Variants in SRD5A2 observed in about 807,000 individuals in gnomAD.
SRD5A2 encodes 3-oxo-5-alpha-steroid 4-dehydrogenase 2.
SRD5A2 carries 30 observed loss-of-function variants against 27.4 expected under a neutral mutation model. The observed-to-expected ratio is 1.10, with a 90% CI of 0.82 to 1.49. The LOEUF is 1.49. Among genes scored for constraint, SRD5A2 ranks in the 40% most tolerant of loss-of-function variants. The pLI, the probability that SRD5A2 is intolerant of heterozygous loss-of-function variation, is 0.00. For synonymous variants in SRD5A2, 141 were observed against 133.6 expected (o/e 1.06, Z -0.38); for missense variants, 348 against 323.4 (o/e 1.08, Z -0.58).
chr2:31,601,248 C>T, the SRD5A2 span, among the ~76,000 whole-genome samples: 1 of 151,438 alleles, frequency 6.6e-6, no homozygotes, highest in African/African-American at 2.4e-5. Flanking sequence ...ATATCTCCTA[C>T]CCCACAGAAA....
intron 1 of SRD5A2, among the ~76,000 whole-genome samples, chr2:31,534,077 C>T (rs1048413224): frequency 6.6e-6 from 1 of 151,852 alleles, no homozygotes; most frequent in Non-Finnish European, 1.5e-5. Flanking sequence ...TAAATAAGTA[C>T]AATAAATATC....
the SRD5A2 span, among the ~76,000 whole-genome samples, chr2:31,622,248 G>C: frequency 2.0e-5 from 3 of 152,056 alleles, no homozygotes; most frequent in East Asian, 5.8e-4. Context: ...GTGTTAGTTT[G>C]CTGAGGATAA....
At chr2:31,549,424 A>G (rs147881813) in intron 1 of SRD5A2, among the ~76,000 whole-genome samples, 80 of 152,172 alleles carry the variant, frequency 5.3e-4, no homozygotes, top group African/African-American at 1.9e-3. Flanking sequence ...ACAGAGTTTC[A>G]GTTTTATAAG....
chr2:31,546,399 A>G (rs1666256490), intron 1 of SRD5A2, among the ~76,000 whole-genome samples: 1 of 152,252 alleles, frequency 6.6e-6, no homozygotes. Context: ...CTAGATGCCC[A>G]TTAATGATGG....
chr2:31,580,762 G>C lies in SRD5A2; in HGVS notation c.139C>G (p.Leu47Val). ...TESLKPAATRLPARAAWFLQE... is the reference protein window; with the variant it reads ...TESLKPAATRVPARAAWFLQE... ...AGGAACCAGGCGGCGCGGGCTGGCAGGCGGGTAGCCGCCGGCTTCAGGCTC... is the reference window on the plus strand; with the variant it reads ...AGGAACCAGGCGGCGCGGGCTGGCACGCGGGTAGCCGCCGGCTTCAGGCTC... Residue 47 changes from leucine (L) to valine (V), a missense_variant, in exon 1 of 5, where the codon CTG becomes GTG. Leu to Val is a conservative substitution (Grantham distance 32). Transcript: ENST00000622030. 2 of 1,610,614 alleles carry C rather than the reference G, an allele frequency of 1.2e-6. No individual in the cohort carries two copies. The highest frequency in any genetic ancestry group is 4.5e-5 in the East Asian group (2 of 44,858).
the SRD5A2 span, among the ~76,000 whole-genome samples, chr2:31,659,805 TA>T: frequency 6.6e-6 from 1 of 152,084 alleles, no homozygotes; most frequent in East Asian, 1.9e-4. Flanking sequence ...CTACCAATGA[TA>T]TTTTTCACAG....
the SRD5A2 span, among the ~76,000 whole-genome samples, chr2:31,594,642 C>A: frequency 6.6e-6 from 1 of 152,044 alleles, no homozygotes; most frequent in Admixed American, 6.6e-5. Context: ...CAGCATTAGA[C>A]AAGTCATCAA....
At chr2:31,611,173 T>C in the SRD5A2 span, among the ~76,000 whole-genome samples, 12 of 152,028 alleles carry the variant, frequency 7.9e-5, no homozygotes, top group African/African-American at 2.7e-4. Flanking sequence ...GACATACACT[T>C]TCAGATGATT....
the SRD5A2 span, among the ~76,000 whole-genome samples, chr2:31,640,579 T>G: frequency 6.6e-6 from 1 of 152,154 alleles, no homozygotes; most frequent in Non-Finnish European, 1.5e-5. Context: ...ACGGCTCTAT[T>G]AAATAGTTGG....
intron 1 of SRD5A2, among the ~76,000 whole-genome samples, chr2:31,540,800 A>G (rs914029549): frequency 6.6e-6 from 1 of 152,224 alleles, no homozygotes; most frequent in African/African-American, 2.4e-5. Context: ...CTGTGCATGT[A>G]TTCCTGCAGC....
intron 2 of SRD5A2, among the ~76,000 whole-genome samples, chr2:31,531,767 A>T (rs938463291): frequency 2.2e-4 from 33 of 152,282 alleles, no homozygotes; most frequent in African/African-American, 7.0e-4. Flanking sequence ...TAAATAGATA[A>T]ACAAACAAAT....
chr2:31,633,219 G>C, the SRD5A2 span, among the ~76,000 whole-genome samples: 1 of 152,136 alleles, frequency 6.6e-6, no homozygotes, highest in Non-Finnish European at 1.5e-5. Context: ...AGAAGACACA[G>C]TTTCCTCCCC....
chr2:31,565,508 A>T (rs2148092740), intron 1 of SRD5A2, among the ~76,000 whole-genome samples: 1 of 152,094 alleles, frequency 6.6e-6, no homozygotes, highest in South Asian at 2.1e-4. Context: ...TGGAATAAAC[A>T]TGGTAGATAC....
At chr2:31,587,707 T>C in the SRD5A2 span, among the ~76,000 whole-genome samples, 3 of 152,100 alleles carry the variant, frequency 2.0e-5, no homozygotes, top group African/African-American at 7.2e-5. Context: ...TGAGAACACA[T>C]GGATACAGGG....
rs746737164 is a variant in SRD5A2 at position 31,580,672 on chromosome 2, C to G, written c.229G>C (p.Gly77Arg). The change falls in exon 1 of 5, where the codon GGG becomes CGG. Residue 77 changes from glycine (G) to arginine (R), a missense_variant. By Grantham distance (125) the Gly-to-Arg change is moderately radical. Transcript: ENST00000622030. The stretch of plus-strand genomic sequence containing the variant: ...CCCAGAAGTACCGTCCCAGGTGGCC[C>G]GAAGAGGGAGAGGGGCTGCCGGGCG... Reference protein sequence around the residue: ...ILARQPLSLFGPPGTVLLGLF... With the variant: ...ILARQPLSLFRPPGTVLLGLF... 6.3e-7 allele frequency: 1 copy of G among 1,596,302 alleles called. No individual in the cohort carries two copies. Among genetic ancestry groups the G allele is most frequent in the Non-Finnish European group, 8.5e-7 (1 of 1,177,062 alleles).
chr2:31,533,801 T>C (rs751009828), intron 1 of SRD5A2, 35 bp from the exon 2 acceptor site: 1 of 1,580,508 alleles, frequency 6.3e-7, no homozygotes, highest in Admixed American at 1.8e-5. Context: ...TAGGATTCAC[T>C]GTTAAAAAAG....
At chr2:31,531,529 C>G in intron 2 of SRD5A2, 57 bp from the exon 3 acceptor site, 2 of 1,004,552 alleles carry the variant, frequency 2.0e-6, no homozygotes, top group Middle Eastern at 2.5e-4. Flanking sequence ...GATTGTGGTG[C>G]TTTTTTCACA....
At chr2:31,556,202 T>G (rs1176824322) in intron 1 of SRD5A2, among the ~76,000 whole-genome samples, 1 of 152,170 alleles carries the variant, frequency 6.6e-6, no homozygotes, top group African/African-American at 2.4e-5. Context: ...GGATGGTACC[T>G]GTTGTGTAAA....
the SRD5A2 span, among the ~76,000 whole-genome samples, chr2:31,596,071 A>G: frequency 6.6e-6 from 1 of 152,188 alleles, no homozygotes; most frequent in Non-Finnish European, 1.5e-5. Context: ...AATAAAAGCC[A>G]TACATGAAAA....
Sources: gnomAD v4.1 joint callset for allele counts (sites outside exome capture counted in the v4.1 genomes callset) on GRCh38, gnomAD v4.1.1 for gene constraint, MANE v1.5 for transcripts, NCBI Gene and HGNC (gene_info 2026-07-23, HGNC 2026-07-21) for gene names.